Variants in C7 observed in about 807,000 individuals in gnomAD.
The protein encoded by C7 is complement component C7.
C7 carries 83 observed loss-of-function variants against 104.8 expected under a neutral mutation model. That is an observed-to-expected ratio of 0.79 (90% CI 0.66 to 0.95). The LOEUF (loss-of-function observed/expected upper bound fraction) is 0.95. Ranked by LOEUF, C7 falls within the 40% of genes least tolerant of loss-of-function variation. C7 has a pLI of 0.00. For synonymous variants in C7, 415 were observed against 360.6 expected, an observed-to-expected ratio of 1.15 and a Z score of -1.71; for missense variants, 1,070 against 1,011.2, an observed-to-expected ratio of 1.06 and a Z score of -0.79.
intron 9 of C7, among the ~76,000 whole-genome samples, chr5:40,953,113 T>TGC (rs1443570018): frequency 6.6e-6 from 1 of 152,132 alleles, no homozygotes; most frequent in Non-Finnish European, 1.5e-5. Flanking sequence ...TTAAAAAGTG[T>TGC]TACTGTATAT....
rs748390918 is a variant in C7, at chr5:40,958,181, G to T, written c.1409G>T (p.Gly470Val). Residue 470 changes from glycine (G) to valine (V), a missense_variant, in exon 11 of 18, where the codon GGG becomes GTG. Coordinates refer to ENST00000313164, the MANE Select transcript of C7 (RefSeq NM_000587.4). ...CQNGGLATVE[G>V]THCLCHCKPY... ...AATGGTGGTTTGGCTACTGTTGAGG[G>T]GACCCATTGTCTGTGCCATTGCAAA... 1 of 1,613,728 alleles carries T rather than the reference G, an allele frequency of 6.2e-7. No homozygotes were observed.
rs372551834 is a variant in C7, at chr5:40,978,873, A to ATTTTTTTTTTTTTTTTTTTTTTTTTTTTT, written c.2166-828_2166-827insTTTTTTTTTTTTTTTTTTTTTTTTTTTTT. Among the ~76,000 whole-genome samples, 140 of 80,072 alleles carry ATTTTTTTTTTTTTTTTTTTTTTTTTTTTT rather than the reference A, an allele frequency of 1.7e-3. 11 individuals are homozygous for ATTTTTTTTTTTTTTTTTTTTTTTTTTTTT. The highest frequency in any genetic ancestry group is 3.0e-3 in the South Asian group (5 of 1,648). 52.5% of individuals were successfully genotyped at this position (80,072 alleles called of 152,430 possible). On this transcript the variant is annotated intron_variant, in intron 16 of 17. Coordinates refer to ENST00000313164, the MANE Select transcript of C7 (RefSeq NM_000587.4). ...GAGGAAGGTAACACATTTTATGGAA[A>ATTTTTTTTTTTTTTTTTTTTTTTTTTTTT]TTTTTTTTTTTTTTTTTTTTTTTTG...
chr5:40,980,039 T>C, intron 17 of C7, 130 bp downstream of exon 17: 1 of 759,420 alleles, frequency 1.3e-6, no homozygotes, highest in South Asian at 2.6e-5. Flanking sequence ...TCAGACTGAT[T>C]TGACATGCAC....
intron 15 of C7, among the ~76,000 whole-genome samples, chr5:40,975,965 T>C (rs957523453): frequency 6.6e-6 from 1 of 152,166 alleles, no homozygotes; most frequent in African/African-American, 2.4e-5. Flanking sequence ...AGTCAGGATG[T>C]TTTTAGATCA....
intron 14 of C7, among the ~76,000 whole-genome samples, chr5:40,970,523 G>A (rs1023185511): frequency 6.6e-6 from 1 of 152,202 alleles, no homozygotes; most frequent in Admixed American, 6.5e-5. Context: ...GGGTGTGGTG[G>A]CATGTGCCTG....
intron 6 of C7, among the ~76,000 whole-genome samples, chr5:40,941,343 C>T (rs979554142): frequency 4.6e-5 from 7 of 152,144 alleles, no homozygotes; most frequent in Non-Finnish European, 7.4e-5. Flanking sequence ...GGATTACAAG[C>T]GTGAGCCACT....
chr5:40,948,298 C>T (rs914001259), intron 8 of C7, among the ~76,000 whole-genome samples: 1 of 152,094 alleles, frequency 6.6e-6, no homozygotes, highest in East Asian at 1.9e-4. Flanking sequence ...CTACTTAATA[C>T]TTGTAACAAT....
chr5:40,964,209 A>G (rs1372529383), intron 13 of C7, among the ~76,000 whole-genome samples: 2 of 150,672 alleles, frequency 1.3e-5, no homozygotes, highest in Non-Finnish European at 3.0e-5. Context: ...TGCCCTGCTA[A>G]TTTTTGTATT....
At chr5:40,963,682 G>A (rs1208374354) in intron 13 of C7, among the ~76,000 whole-genome samples, 1 of 152,058 alleles carries the variant, frequency 6.6e-6, no homozygotes, top group Admixed American at 6.6e-5. Flanking sequence ...CAATGAGAAG[G>A]GTAAGGAAAG....
At chr5:40,945,891 T>C (rs1324528766) in intron 7 of C7, among the ~76,000 whole-genome samples, 2 of 113,418 alleles carry the variant, frequency 1.8e-5, no homozygotes, top group African/African-American at 1.2e-4. Flanking sequence ...TATATATATA[T>C]ATATATATAT....
chr5:40,962,681 C>T (rs566513067), intron 13 of C7, among the ~76,000 whole-genome samples: 2 of 152,324 alleles, frequency 1.3e-5, no homozygotes, highest in South Asian at 2.1e-4. Context: ...GAGTAGTCAT[C>T]TGCCATTTGT....
chr5:40,940,250 C>T (rs899232286), intron 6 of C7, among the ~76,000 whole-genome samples: 4 of 152,168 alleles, frequency 2.6e-5, no homozygotes, highest in Non-Finnish European at 5.9e-5. Context: ...GCGGTTTATC[C>T]AGGGCAAACC....
chr5:40,983,063 G>C lies in C7; in HGVS notation c.*1490G>C, dbSNP rs1681648531. Reference sequence around the variant, plus strand: ...TTTTGTATCAAAGTGTGCCCTAAGGGAAGATGCAGATATAATATGTTGAAG... The same window carrying C: ...TTTTGTATCAAAGTGTGCCCTAAGGCAAGATGCAGATATAATATGTTGAAG... On this transcript the variant is annotated 3_prime_UTR_variant, in exon 18 of 18. Coordinates refer to ENST00000313164, the MANE Select transcript of C7 (RefSeq NM_000587.4). 6.6e-6 allele frequency: 1 copy of C among 152,334 alleles called. No individual in the cohort carries two copies. The highest frequency in any genetic ancestry group is 2.1e-4 in the South Asian group (1 of 4,836). 9.4% of individuals were successfully genotyped at this position (152,334 alleles called of 1,614,324 possible).
chr5:40,910,016 C>G (rs1456049721), intron 1 of C7, among the ~76,000 whole-genome samples: 4 of 141,796 alleles, frequency 2.8e-5, no homozygotes, highest in Non-Finnish European at 6.0e-5. Context: ...AGGAGCCATG[C>G]AGTAGGGTCC....
At chr5:40,978,188 C>T (rs1740859981) in intron 16 of C7, among the ~76,000 whole-genome samples, 1 of 148,398 alleles carries the variant, frequency 6.7e-6, no homozygotes, top group Non-Finnish European at 1.5e-5. Flanking sequence ...ACTTGGTTTT[C>T]AATGATTTTG....
intron 11 of C7, 30 bp from the exon 12 acceptor site, chr5:40,959,419 T>C (rs1014178973): frequency 6.3e-7 from 1 of 1,593,948 alleles, no homozygotes; most frequent in Non-Finnish European, 8.5e-7. Flanking sequence ...CTTTAAGAAC[T>C]TATTGATCAA....
chr5:40,978,873 ATTTTTTTT>A lies in C7; in HGVS notation c.2166-835_2166-828del, dbSNP rs372551834. Among the ~76,000 whole-genome samples, 44 of 80,086 alleles carry A rather than the reference ATTTTTTTT, an allele frequency of 5.5e-4. No homozygotes were observed. In the Admixed American group the frequency reaches 6.0e-3, roughly 11 times the overall value. 52.5% of individuals were successfully genotyped at this position (80,086 alleles called of 152,430 possible). A position where few individuals can be genotyped will look rare whatever the true frequency, so the allele number is the denominator to read the frequency against. ...GAGGAAGGTAACACATTTTATGGAA[ATTTTTTTT>A]TTTTTTTTTTTTTTTTGGGACACAG... On this transcript the variant is annotated intron_variant, in intron 16 of 17. Coordinates refer to ENST00000313164, the MANE Select transcript of C7 (RefSeq NM_000587.4).
At chr5:40,954,877 CAAAAAAA>C (rs35360366) in intron 9 of C7, 71 of 54,630 alleles carry the variant, frequency 1.3e-3, no homozygotes, top group African/African-American at 5.4e-3. Flanking sequence ...AATACTGTCT[CAAAAAAA>C]AAAAAAAAAA....
rs1282769787 is a variant in C7, at chr5:40,949,964, T to A, written c.1043T>A (p.Phe348Tyr). The change falls in exon 9 of 18, where the codon TTT (phenylalanine) becomes TAT (tyrosine). Residue 348 changes from phenylalanine (F) to tyrosine (Y), a missense_variant. By Grantham distance (22) the Phe-to-Tyr change is conservative. Coordinates refer to ENST00000313164, the MANE Select transcript of C7 (RefSeq NM_000587.4). ...TCAGGTTGGCATTTTGTCGTTAAAT[T>A]TTCAAGTCATGGATGCAAGGAACTG... The part of the protein sequence containing the change: ...KSSGWHFVVK[F>Y]SSHGCKELEN... 6 of 1,601,508 alleles carry A rather than the reference T, an allele frequency of 3.7e-6. No homozygotes were observed. In the Middle Eastern group the frequency reaches 5.0e-4, roughly 133 times the overall value.
Sources: allele counts gnomAD v4.1 joint callset (sites outside exome capture counted in the v4.1 genomes callset), GRCh38; gene constraint gnomAD v4.1.1; transcripts MANE v1.5; gene names NCBI Gene and HGNC (gene_info 2026-07-23, HGNC 2026-07-21).